The following SBF1 variants were observed in gnomAD, a reference collection of about 807,000 sequenced individuals.
SBF1 encodes the protein myotubularin-related protein 5.
A neutral mutation model predicts 215.8 loss-of-function variants in SBF1; 65 were observed. That is an observed-to-expected ratio of 0.30 (90% confidence interval 0.25 to 0.37). The LOEUF (loss-of-function observed/expected upper bound fraction) is 0.37. Ranked by LOEUF, SBF1 falls within the 10% of genes least tolerant of loss-of-function variation. The pLI, the probability that SBF1 is intolerant of heterozygous loss-of-function variation, is 1.00. For missense variants in SBF1, 2,634 were observed against 2,667.8 expected (o/e 0.99, Z 0.28); for synonymous variants, 1,410 against 1,122.8 (o/e 1.26, Z -5.11).
Position 50,459,257 on chromosome 22 carries a change from T to C in SBF1, c.3824A>G (p.His1275Arg). ...CGTCTGCCCACAAGCACCCTCACCG[T>C]GACTGCCCATGTGGGCTGAGGAGAA... ...SGFSSAHMGS[H>R]VPSPRARVTT... is the part of the protein sequence containing the mutation. The change falls in exon 28 of 41, where the codon CAC becomes CGC. Residue 1275 changes from histidine (H) to arginine (R), a missense_variant and splice_region_variant. His to Arg is a conservative substitution (Grantham distance 29). Transcript: ENST00000380817. 3 of 1,598,418 alleles carry C rather than the reference T, an allele frequency of 1.9e-6. No individual in the cohort carries two copies. Among genetic ancestry groups the C allele is most frequent in the Non-Finnish European group, 2.6e-6 (3 of 1,168,078 alleles).
chr22:50,459,573 G>T lies in SBF1; in HGVS notation c.3585C>A (p.Val1195=). Residue 1195 remains valine, a synonymous_variant, in exon 27 of 41, where the codon GTC becomes GTA. Transcript: ENST00000380817. ...RCYRQNRFPV[V]CWRSGRSKAV... Reference sequence around the variant, plus strand: ...CCTTGGACCGCCCGCTGCGCCAGCAGACCACGGGGAAGCGGTTCTGGCGGT... The same window carrying T: ...CCTTGGACCGCCCGCTGCGCCAGCATACCACGGGGAAGCGGTTCTGGCGGT... 6.2e-7 allele frequency: 1 copy of T among 1,609,576 alleles called. No homozygotes were observed. The highest frequency in any genetic ancestry group is 8.5e-7 in the Non-Finnish European group (1 of 1,179,080).
intron 36 of SBF1, among the ~76,000 whole-genome samples, chr22:50,451,287 G>A (rs1254176172): frequency 6.6e-6 from 1 of 152,066 alleles, no homozygotes; most frequent in Non-Finnish European, 1.5e-5. Context: ...TCGGGCTGCA[G>A]TGAGCCATGA....
chr22:50,457,078 G>C lies in SBF1; in HGVS notation c.3860C>G (p.Ser1287Cys), dbSNP rs777797810. The change falls in exon 29 of 41, where the codon TCC becomes TGC. Residue 1287 changes from serine to cysteine, a missense_variant. By Grantham distance (112) the Ser-to-Cys change is moderately radical. Transcript: ENST00000380817. Reference sequence around the variant, plus strand: ...GGAGGCCGAGGCCGCCATGGGGTTGGACAGCGTGGTGACCCTGGCTCTGGG... The same window carrying C: ...GGAGGCCGAGGCCGCCATGGGGTTGCACAGCGTGGTGACCCTGGCTCTGGG... ...PSPRARVTTL[S>C]NPMAASASRR... is the part of the protein sequence containing the mutation. 4.0e-6 allele frequency: 6 copies of C among 1,490,052 alleles called. No homozygotes were observed. The highest frequency in any genetic ancestry group is 5.3e-6 in the Non-Finnish European group (6 of 1,128,022). The allele number at this position is 1,490,052 out of a possible 1,614,324, so 92.3% of individuals were successfully genotyped here. A position where few individuals can be genotyped will look rare whatever the true frequency, so the allele number is the denominator to read the frequency against.
At chr22:50,456,027 G>A (rs1425999832) in intron 31 of SBF1, 189 bp downstream of exon 31, 3 of 640,828 alleles carry the variant, frequency 4.7e-6, no homozygotes, top group East Asian at 5.7e-5. Flanking sequence ...CTCACTGTCA[G>A]CTGGCCCCAG....
Position 50,465,096 on chromosome 22 carries a change from C to T in SBF1, c.1237G>A (p.Asp413Asn). 1.2e-6 allele frequency: 2 copies of T among 1,614,110 alleles called. No individual in the cohort carries two copies. The highest frequency in any genetic ancestry group is 1.7e-6 in the Non-Finnish European group (2 of 1,180,008). ...AFLGQRGLVEDDFLMKVLEGM... is the reference protein window; with the variant it reads ...AFLGQRGLVENDFLMKVLEGM... ...TCCAGCACCTTCATCAGGAAATCGT[C>T]CTCTACCAGCCCACGCTGGCCCAGG... Residue 413 changes from aspartate (D) to asparagine (N), a missense_variant, in exon 12 of 41, where the codon GAC (aspartate) becomes AAC (asparagine). Physicochemically the swap from Asp to Asn is conservative, Grantham distance 23. Coordinates refer to ENST00000380817, the MANE Select transcript of SBF1 (RefSeq NM_002972.4).
Position 50,461,615 on chromosome 22 carries a change from C to T in SBF1, c.2747G>A (p.Ser916Asn). 1 of 1,611,718 alleles carries T rather than the reference C, an allele frequency of 6.2e-7. No individual in the cohort carries two copies. The highest frequency in any genetic ancestry group is 8.5e-7 in the Non-Finnish European group (1 of 1,179,744). The change falls in exon 22 of 41, where the codon AGT (serine) becomes AAT (asparagine). Residue 916 changes from serine (S) to asparagine (N), a missense_variant. By Grantham distance (46) the Ser-to-Asn change is conservative. Transcript: ENST00000380817. ...TGGGAGCAATGCTGGTCCCCCAGCA[C>T]TGCCCCCCGCGCCCTCCTCACGCCC... ...PDGREEGAGG[S>N]AGGPALLPAE...
At chr22:50,471,686 C>A (rs770429309) in intron 1 of SBF1, among the ~76,000 whole-genome samples, 5 of 152,178 alleles carry the variant, frequency 3.3e-5, no homozygotes, top group Admixed American at 2.0e-4. Context: ...CCATCCCCCC[C>A]AACCTCCCCT....
chr22:50,447,280 C>G (rs9617008), intron 40 of SBF1, 40 bp from the exon 41 acceptor site: 1 of 1,613,446 alleles, frequency 6.2e-7, no homozygotes, highest in Non-Finnish European at 8.5e-7. Context: ...GCCCCCACAC[C>G]GCAGAGCCCC....
chr22:50,462,410 G>T lies in SBF1; in HGVS notation c.2191C>A (p.Arg731=). 1.2e-6 allele frequency: 2 copies of T among 1,614,022 alleles called. No homozygotes were observed. Among genetic ancestry groups the T allele is most frequent in the Non-Finnish European group, 1.7e-6 (2 of 1,180,012 alleles). ...CGACTCAGAGTTGGCCACAAGCGCC[G>T]CTGCTCAGAAGCCACGTCTAGGGCA... ...RSALDVASEQ[R]RLWPTLSREK... The change falls in exon 19 of 41, where the codon CGG becomes AGG. Residue 731 remains arginine, a synonymous_variant. Transcript: ENST00000380817.
chr22:50,460,766 C>T lies in SBF1; in HGVS notation c.2968-54G>A, dbSNP rs994023324. On this transcript the variant is annotated intron_variant, in intron 23 of 40. Transcript: ENST00000380817. ...TGTGGGTGGCCCCCCAGCCCCTCCC[C>T]CAACTCTGACACTGCCAGGCTCCCC... The T allele has an allele frequency of 9.6e-6, 15 of 1,556,092 alleles. No homozygotes were observed. In the African/African-American group the frequency reaches 1.5e-4, roughly 15 times the overall value.
At chr22:50,458,096 G>A (rs983447264) in intron 28 of SBF1, among the ~76,000 whole-genome samples, 2 of 152,114 alleles carry the variant, frequency 1.3e-5, no homozygotes, top group Non-Finnish European at 2.9e-5. Context: ...TCAGGAGATC[G>A]AGATCATCCT....
chr22:50,474,688 G>GGCCCCCA (rs2068114765), intron 1 of SBF1, 98 bp downstream of exon 1: 1 of 772,984 alleles, frequency 1.3e-6, no homozygotes, highest in South Asian at 1.8e-5. Context: ...CCCAGCCCTC[G>GGCCCCCA]GCCCCCAGCC....
Position 50,454,913 on chromosome 22 carries a change from C to T in SBF1, c.4713G>A (p.Arg1571=), listed in dbSNP as rs775617395. 5 of 1,614,080 alleles carry T rather than the reference C, an allele frequency of 3.1e-6. No individual in the cohort carries two copies. The highest frequency in any genetic ancestry group is 4.2e-6 in the Non-Finnish European group (5 of 1,180,004). Residue 1571 remains arginine (R), a synonymous_variant, in exon 35 of 41, where the codon AGG becomes AGA. Transcript: ENST00000380817. The stretch of plus-strand genomic sequence containing the variant: ...ACACAGACCTGCACGGCACCTGGCC[C>T]CTGCGTTCCCCCTTCTCCTCATACA... The part of the protein sequence containing the change: ...GLLYEEKGER[R]GQVPCRSVWE...
chr22:50,466,518 G>GC, intron 6 of SBF1, 36 bp from the exon 7 acceptor site: 2 of 1,532,742 alleles, frequency 1.3e-6, no homozygotes, highest in Non-Finnish European at 1.8e-6. Flanking sequence ...AGGACCCTGG[G>GC]CCCCCACCCA....
In SBF1 at chr22:50,447,369, G is replaced by A. The variant is rs2066872723; in HGVS notation, c.5536C>T (p.Pro1846Ser). The A allele has an allele frequency of 6.2e-7, 1 of 1,614,050 alleles. No homozygotes were observed. Residue 1846 changes from proline (P) to serine (S), a missense_variant, in exon 40 of 41, where the codon CCC becomes TCC. Pro to Ser is a moderately conservative substitution (Grantham distance 74). Transcript: ENST00000380817. Reference protein sequence around the residue: ...AEVEAVAPGTPTMGAPKTVDE... With the variant: ...AEVEAVAPGTSTMGAPKTVDE... ...ACAGTCTTAGGGGCACCCATAGTGG[G>A]CGTGCCAGGTGCCACAGCCTCCACC...
chr22:50,466,664 G>A lies in SBF1; in HGVS notation c.596C>T (p.Pro199Leu). ...GAGDRQVIQTPLADSLPVSRC... is the reference protein window; with the variant it reads ...GAGDRQVIQTLLADSLPVSRC... Reference sequence around the variant, plus strand: ...GCTGACGGGCAGCGAGTCGGCCAGTGGAGTCTGGATGACCTGCCGGTCACC... The same window carrying A: ...GCTGACGGGCAGCGAGTCGGCCAGTAGAGTCTGGATGACCTGCCGGTCACC... Residue 199 changes from proline to leucine, a missense_variant, in exon 6 of 41, where the codon CCA becomes CTA. By Grantham distance (98) the Pro-to-Leu change is moderately conservative. Coordinates refer to ENST00000380817, the MANE Select transcript of SBF1 (RefSeq NM_002972.4). 6.4e-7 allele frequency: 1 copy of A among 1,550,458 alleles called. No homozygotes were observed. Among genetic ancestry groups the A allele is most frequent in the Non-Finnish European group, 8.7e-7 (1 of 1,146,642 alleles).
chr22:50,471,453 C>T (rs2067991980), intron 1 of SBF1, among the ~76,000 whole-genome samples: 1 of 152,226 alleles, frequency 6.6e-6, no homozygotes, highest in Non-Finnish European at 1.5e-5. Context: ...TGTGGGGAGG[C>T]AAAGAAGGAT....
At chr22:50,461,493 G>A (rs1256274926) in intron 22 of SBF1, 30 bp downstream of exon 22, 2 of 1,564,510 alleles carry the variant, frequency 1.3e-6, no homozygotes, top group Admixed American at 3.6e-5. Context: ...GGGAGAGGGG[G>A]CGACAGGGCC....
Position 50,456,243 on chromosome 22 carries a change from T to A in SBF1, c.4239A>T (p.Ser1413=). ...GGATCAGCCACTCTGAGTCCTCCAG[T>A]GAGCGCAGGAAGGAGGCTGGGCTGG... ...AEPSPASFLR[S]LEDSEWLIQI... Residue 1413 remains serine, a synonymous_variant, in exon 31 of 41, where the codon TCA becomes TCT. Transcript: ENST00000380817. The A allele has an allele frequency of 1.6e-5, 25 of 1,612,196 alleles. No homozygotes were observed. The highest frequency in any genetic ancestry group is 2.1e-5 in the Non-Finnish European group (25 of 1,179,878).
Sources: allele counts gnomAD v4.1 joint callset (sites outside exome capture counted in the v4.1 genomes callset), GRCh38; gene constraint gnomAD v4.1.1; transcripts MANE v1.5; gene names NCBI Gene and HGNC (gene_info 2026-07-23, HGNC 2026-07-21).